Variants in BCKDHB observed in about 807,000 individuals in gnomAD.
The protein encoded by BCKDHB is branched chain keto acid dehydrogenase E1 subunit beta, also known as 2-oxoisovalerate dehydrogenase subunit beta, mitochondrial.
In BCKDHB, 41 loss-of-function variants were observed where a neutral mutation model predicts 48.5. That is an observed-to-expected ratio of 0.85 (90% CI 0.66 to 1.10). The LOEUF (loss-of-function observed/expected upper bound fraction) is 1.10. Among genes scored for constraint, BCKDHB ranks in the 50% least tolerant of loss-of-function variants. The probability of loss-of-function intolerance (pLI) is 0.00; values close to 1 mark genes in which losing one functional copy is unlikely to be tolerated. For missense variants in BCKDHB, 496 were observed against 494.2 expected (o/e 1.00, Z -0.03); for synonymous variants, 201 against 174.8 (o/e 1.15, Z -1.18).
At chr6:80,181,912 A>T (rs982213643) in intron 6 of BCKDHB, among the ~76,000 whole-genome samples, 1 of 152,230 alleles carries the variant, frequency 6.6e-6, no homozygotes, top group African/African-American at 2.4e-5. Flanking sequence ...ACTGAAAAGT[A>T]CAAACAAAGA....
intron 1 of BCKDHB, among the ~76,000 whole-genome samples, chr6:80,120,438 C>G (rs544521084): frequency 6.4e-4 from 98 of 152,266 alleles, no homozygotes; most frequent in African/African-American, 2.3e-3. Context: ...AATCTCCACA[C>G]TGTTTTCCAC....
intron 9 of BCKDHB, among the ~76,000 whole-genome samples, chr6:80,311,867 T>C (rs1406659885): frequency 1.3e-5 from 2 of 152,236 alleles, no homozygotes; most frequent in African/African-American, 4.8e-5. Context: ...CATTGATGCC[T>C]CCAGCCTTGT....
chr6:80,374,602 G>T, the BCKDHB span: 4 of 597,254 alleles, frequency 6.7e-6, no homozygotes, highest in Non-Finnish European at 1.2e-5. Context: ...CTTAGGAAAA[G>T]AGCCATTCTA....
At chr6:80,132,230 C>T (rs1169077939) in intron 3 of BCKDHB, among the ~76,000 whole-genome samples, 1 of 151,884 alleles carries the variant, frequency 6.6e-6, no homozygotes, top group Non-Finnish European at 1.5e-5. Context: ...CTCTTCCGGA[C>T]CCTCCAAGCA....
chr6:80,431,779 C>T, the BCKDHB span, among the ~76,000 whole-genome samples: 3 of 152,114 alleles, frequency 2.0e-5, no homozygotes, highest in Non-Finnish European at 4.4e-5. Context: ...ATCCAATTTG[C>T]CAGTCTGTGT....
intron 9 of BCKDHB, among the ~76,000 whole-genome samples, chr6:80,300,166 C>T (rs1767507853): frequency 1.3e-5 from 2 of 152,066 alleles, no homozygotes; most frequent in African/African-American, 4.8e-5. Context: ...ATCCTCCCAC[C>T]TCAGCCTCCC....
chr6:80,347,948 G>C (rs1329258366), downstream of BCKDHB, among the ~76,000 whole-genome samples: 1 of 152,156 alleles, frequency 6.6e-6, no homozygotes, highest in Non-Finnish European at 1.5e-5. Context: ...ATCCTCCACT[G>C]CTCCCAGCCT....
chr6:80,193,312 T>A (rs183117356), intron 6 of BCKDHB, among the ~76,000 whole-genome samples: 80 of 152,344 alleles, frequency 5.3e-4, no homozygotes, highest in African/African-American at 1.9e-3. Context: ...GATTTTTTTT[T>A]AATTTTCAGT....
the BCKDHB span, among the ~76,000 whole-genome samples, chr6:80,376,795 T>C: frequency 3.8e-4 from 58 of 152,292 alleles, no homozygotes; most frequent in East Asian, 7.9e-3. Context: ...AAGAGCAACT[T>C]GTCTTGATAG....
In BCKDHB at chr6:80,129,212, G is replaced by C. The variant is rs768958742; in HGVS notation, c.326G>C (p.Gly109Ala). 6.2e-7 allele frequency: 1 copy of C among 1,611,038 alleles called. No homozygotes were observed. The highest frequency in any genetic ancestry group is 8.5e-7 in the Non-Finnish European group (1 of 1,177,912). ...AFGGVFRCTV[G>A]LRDKYGKDRV... is the part of the protein sequence containing the mutation. The stretch of plus-strand genomic sequence containing the variant: ...GGTGGAGTCTTTAGATGCACTGTTG[G>C]CTTGCGAGACAAATATGGTAAGTAA... Residue 109 changes from glycine to alanine, a missense_variant, in exon 3 of 10, where the codon GGC (glycine) becomes GCC (alanine). Coordinates refer to ENST00000320393, the MANE Select transcript of BCKDHB (RefSeq NM_183050.4).
intron 3 of BCKDHB, among the ~76,000 whole-genome samples, chr6:80,133,030 A>C (rs1770707233): frequency 6.6e-6 from 1 of 152,232 alleles, no homozygotes; most frequent in Non-Finnish European, 1.5e-5. Flanking sequence ...ATAACAATCA[A>C]GTCACACTGC....
intron 1 of BCKDHB, among the ~76,000 whole-genome samples, chr6:80,118,396 A>C (rs1769823936): frequency 6.6e-6 from 1 of 152,200 alleles, no homozygotes; most frequent in Non-Finnish European, 1.5e-5. Flanking sequence ...AAAAATTGCC[A>C]ACAATCATCT....
At chr6:80,209,709 T>A (rs1774831431) in intron 8 of BCKDHB, among the ~76,000 whole-genome samples, 1 of 152,000 alleles carries the variant, frequency 6.6e-6, no homozygotes, top group South Asian at 2.1e-4. Context: ...GAAAAAATAA[T>A]GCTCTTGGGA....
At chr6:80,216,689 T>C (rs1178710881) in intron 8 of BCKDHB, among the ~76,000 whole-genome samples, 1 of 152,216 alleles carries the variant, frequency 6.6e-6, no homozygotes, top group Non-Finnish European at 1.5e-5. Flanking sequence ...GTACATTATG[T>C]TCTTAGTTTA....
the BCKDHB span, among the ~76,000 whole-genome samples, chr6:80,430,740 A>G: frequency 4.6e-4 from 70 of 152,124 alleles, no homozygotes; most frequent in African/African-American, 1.6e-3. Context: ...CTAGCAGTCT[A>G]TCTATTTTGT....
chr6:80,114,245 A>ATT (rs772020442), intron 1 of BCKDHB, among the ~76,000 whole-genome samples: 8 of 141,978 alleles, frequency 5.6e-5, no homozygotes, highest in African/African-American at 2.1e-4. Flanking sequence ...GTAGTGCTAG[A>ATT]TTTTTTTTTT....
At chr6:80,445,906 A>C in the BCKDHB span, among the ~76,000 whole-genome samples, 2 of 152,238 alleles carry the variant, frequency 1.3e-5, no homozygotes, top group Non-Finnish European at 2.9e-5. Flanking sequence ...TAAGTGAATA[A>C]ATAAATACCA....
In BCKDHB at chr6:80,345,002, A is replaced by G. The variant is rs921009826; in HGVS notation, c.*1198A>G. 1 of 152,162 alleles carries G rather than the reference A, an allele frequency of 6.6e-6. No homozygotes were observed. Among genetic ancestry groups the G allele is most frequent in the Non-Finnish European group, 1.5e-5 (1 of 68,034 alleles). 9.4% of individuals were successfully genotyped at this position (152,162 alleles called of 1,614,324 possible). On this transcript the variant is annotated 3_prime_UTR_variant, in exon 10 of 10. Transcript: ENST00000320393. ...ATTTTACCTGAAAACAAACAAACAA[A>G]CCCTAAAACTCAGCACCACTACCAT...
At chr6:80,289,416 A>C (rs536481582) in intron 9 of BCKDHB, among the ~76,000 whole-genome samples, 1 of 152,328 alleles carries the variant, frequency 6.6e-6, no homozygotes, top group South Asian at 2.1e-4. Context: ...CATAAGGTTA[A>C]GATGGCTGAC....
Sources: gnomAD v4.1 joint callset for allele counts (sites outside exome capture counted in the v4.1 genomes callset) on GRCh38, gnomAD v4.1.1 for gene constraint, MANE v1.5 for transcripts, NCBI Gene and HGNC (gene_info 2026-07-23, HGNC 2026-07-21) for gene names.